The following MICU1 variants were observed in gnomAD, a reference collection of about 807,000 sequenced individuals.
The protein encoded by MICU1 is mitochondrial calcium uptake 1, also known as calcium uptake protein 1, mitochondrial.
Under a neutral mutation model 56.8 loss-of-function variants are expected in MICU1, and 45 were observed. The ratio of observed to expected loss-of-function variants is 0.79; its 90% CI spans 0.62 to 1.02. MICU1 has a LOEUF of 1.02. Among genes scored for constraint, MICU1 ranks in the 50% least tolerant of loss-of-function variants. MICU1 has a pLI of 0.00. For missense variants in MICU1, 504 were observed against 587.1 expected (o/e 0.86, Z 1.46); for synonymous variants, 186 against 195.1 (o/e 0.95, Z 0.39).
intron 5 of MICU1, among the ~76,000 whole-genome samples, chr10:72,517,510 A>G (rs1867683284): frequency 6.6e-6 from 1 of 152,322 alleles, no homozygotes; most frequent in South Asian, 2.1e-4. Flanking sequence ...TTATAAACGA[A>G]GTAACTCAAG....
intron 1 of MICU1, among the ~76,000 whole-genome samples, chr10:72,623,139 C>T (rs924877479): frequency 6.6e-6 from 1 of 151,426 alleles, no homozygotes; most frequent in Admixed American, 6.6e-5. Flanking sequence ...CGTGGTGGCG[C>T]ACGCTCCTGT....
chr10:72,445,660 T>C (rs1252462853), intron 8 of MICU1, among the ~76,000 whole-genome samples: 1 of 152,216 alleles, frequency 6.6e-6, no homozygotes, highest in Non-Finnish European at 1.5e-5. Flanking sequence ...CTGGGGAATA[T>C]AAATGAAGCT....
At position 72,375,817 on chromosome 10, in the gene MICU1, C is replaced by T. The variant is rs545259526; in HGVS notation, c.1236G>A (p.Val412=). The T allele has an allele frequency of 1.2e-6, 2 of 1,613,356 alleles. No individual in the cohort carries two copies. Among genetic ancestry groups the T allele is most frequent in the South Asian group, 1.1e-5 (1 of 90,840 alleles). ...TVAKVELSDH[V]CDVVFALFDC... is the part of the protein sequence containing the mutation. Reference sequence around the variant, plus strand: ...CAAAGAGTGCAAACACCACATCACACACGTGGTCTGAGAGCTCCACTTTAG... The same window carrying T: ...CAAAGAGTGCAAACACCACATCACATACGTGGTCTGAGAGCTCCACTTTAG... The change falls in exon 11 of 12, where the codon GTG becomes GTA. Residue 412 remains valine (V), a synonymous_variant. Transcript: ENST00000361114.
chr10:72,481,004 G>A (rs187610409), intron 6 of MICU1, among the ~76,000 whole-genome samples: 33 of 152,340 alleles, frequency 2.2e-4, no homozygotes, highest in African/African-American at 7.2e-4. Context: ...GAGAGTGCTT[G>A]TTAAAGTACA....
rs188772954 is a variant in MICU1 at position 72,568,050 on chromosome 10, A to G, written c.-1-1256T>C. ...TAGGGAGGACTAATTCCATACTTCA[A>G]TGTCTCGGAGTTAGGTAGGGAGACT... On this transcript the variant is annotated intron_variant, in intron 1 of 11. Transcript: ENST00000361114. Among the ~76,000 whole-genome samples, 12 of 152,266 alleles carry G rather than the reference A, an allele frequency of 7.9e-5. No homozygotes were observed. In the East Asian group the frequency reaches 1.4e-3, roughly 17 times the overall value.
intron 8 of MICU1, among the ~76,000 whole-genome samples, chr10:72,466,658 G>A (rs190412589): frequency 6.6e-6 from 1 of 152,122 alleles, no homozygotes; most frequent in East Asian, 1.9e-4. Context: ...AACAAAACTG[G>A]GCTATCAGTG....
chr10:72,489,720 T>A (rs530125460), intron 6 of MICU1, among the ~76,000 whole-genome samples: 1 of 152,352 alleles, frequency 6.6e-6, no homozygotes, highest in Admixed American at 6.5e-5. Context: ...CCACCCTGTA[T>A]GTTTTTCTAA....
intron 1 of MICU1, among the ~76,000 whole-genome samples, chr10:72,589,902 C>CA (rs1339408161): frequency 6.6e-6 from 1 of 151,690 alleles, no homozygotes; most frequent in Non-Finnish European, 1.5e-5. Context: ...TAATGCATTC[C>CA]AAAAAATTAT....
chr10:72,623,928 AT>A (rs1842171271), intron 1 of MICU1, among the ~76,000 whole-genome samples: 1 of 151,854 alleles, frequency 6.6e-6, no homozygotes, highest in Non-Finnish European at 1.5e-5. Flanking sequence ...ACTGGTTCTT[AT>A]TTTAAAAGGG....
At chr10:72,479,661 G>T (rs181285882) in intron 6 of MICU1, among the ~76,000 whole-genome samples, 1 of 152,256 alleles carries the variant, frequency 6.6e-6, no homozygotes, top group Admixed American at 6.5e-5. Context: ...GAGTAGCTAG[G>T]ACTACAGGTG....
At chr10:72,398,552 TAATA>T (rs1200339336) in intron 10 of MICU1, among the ~76,000 whole-genome samples, 4 of 151,128 alleles carry the variant, frequency 2.6e-5, no homozygotes, top group African/African-American at 9.7e-5. Context: ...CTAGCAAGAC[TAATA>T]AAGAAGAAAA....
At position 72,423,336 on chromosome 10, in the gene MICU1, A is replaced by G; in HGVS notation, c.969T>C (p.Thr323=). Residue 323 remains threonine, a synonymous_variant, in exon 9 of 12, where the codon ACT becomes ACC. Transcript: ENST00000361114. ...ERHDPVDGRI[T]ERQFGGMLLA... Reference sequence around the variant, plus strand: ...GTAGCATGCCACCAAACTGCCTCTCAGTAATTCTCCCATCCACAGGGTCAT... The same window carrying G: ...GTAGCATGCCACCAAACTGCCTCTCGGTAATTCTCCCATCCACAGGGTCAT... 1 of 1,613,970 alleles carries G rather than the reference A, an allele frequency of 6.2e-7. No individual in the cohort carries two copies. Among genetic ancestry groups the G allele is most frequent in the Non-Finnish European group, 8.5e-7 (1 of 1,179,854 alleles).
chr10:72,411,833 T>G (rs1384802777), intron 9 of MICU1, among the ~76,000 whole-genome samples: 3 of 152,276 alleles, frequency 2.0e-5, no homozygotes, highest in Non-Finnish European at 4.4e-5. Flanking sequence ...CCAGAGTGCT[T>G]ATGCTGAGAA....
chr10:72,606,647 A>G (rs1157487595), intron 1 of MICU1, among the ~76,000 whole-genome samples: 1 of 152,046 alleles, frequency 6.6e-6, no homozygotes, highest in Non-Finnish European at 1.5e-5. Context: ...GGCAGCACCT[A>G]AGAACTTTGA....
chr10:72,481,522 G>A (rs1866295401), intron 6 of MICU1, among the ~76,000 whole-genome samples: 1 of 151,710 alleles, frequency 6.6e-6, no homozygotes, highest in Admixed American at 6.6e-5. Context: ...AGTGATTCTC[G>A]TGCCTCAGTC....
rs746656276 is a variant in MICU1 at position 72,575,693 on chromosome 10, AGGC to A, written c.-1-8902_-1-8900del. On this transcript the variant is annotated intron_variant, in intron 1 of 11. Coordinates refer to ENST00000361114, the MANE Select transcript of MICU1 (RefSeq NM_001195518.2). ...TGGTGTTACTATTTTAATTGTTCTG[AGGC>A]ACCAAAAACCATGCCCAAAGATGGC... Among the ~76,000 whole-genome samples, 828 of 152,258 alleles carry A rather than the reference AGGC, an allele frequency of 5.4e-3. 6 individuals are homozygous for A. Among genetic ancestry groups the A allele is most frequent in the Middle Eastern group, 0.014 (4 of 294 alleles).
intron 1 of MICU1, among the ~76,000 whole-genome samples, chr10:72,567,571 A>G (rs1324814794): frequency 6.6e-6 from 1 of 152,146 alleles, no homozygotes; most frequent in African/African-American, 2.4e-5. Flanking sequence ...AATGCACTAG[A>G]AAGCCACTCT....
chr10:72,612,272 G>C (rs185622783), intron 1 of MICU1, among the ~76,000 whole-genome samples: 35 of 112,076 alleles, frequency 3.1e-4, no homozygotes, highest in Admixed American at 2.2e-3. Context: ...TCTGCCATCT[G>C]TTTTCTTAAC....
intron 11 of MICU1, among the ~76,000 whole-genome samples, chr10:72,374,808 CTTTTTTTTTTT>C (rs34228174): frequency 7.1e-4 from 55 of 77,230 alleles, no homozygotes; most frequent in African/African-American, 2.7e-3. Flanking sequence ...CTACTATTAT[CTTTTTTTTTTT>C]TTTTTTTTTT....
Sources: gnomAD v4.1 joint callset for allele counts (sites outside exome capture counted in the v4.1 genomes callset) on GRCh38, gnomAD v4.1.1 for gene constraint, MANE v1.5 for transcripts, NCBI Gene and HGNC (gene_info 2026-07-23, HGNC 2026-07-21) for gene names.